GNAL: variants seen among roughly 807,000 people sequenced by gnomAD.
GNAL encodes the protein guanine nucleotide-binding protein G(olf) subunit alpha.
In GNAL, 18 loss-of-function variants were observed where a neutral mutation model predicts 55.1. That is an observed-to-expected ratio of 0.33 (90% CI 0.23 to 0.48). The LOEUF is 0.48. GNAL is among the 20% of genes least tolerant of loss of function. GNAL has a pLI of 0.99. For synonymous variants in GNAL, 253 were observed against 237.0 expected (o/e 1.07, Z -0.62); for missense variants, 412 against 614.1 (o/e 0.67, Z 3.48).
intron 5 of GNAL, among the ~76,000 whole-genome samples, chr18:11,840,418 A>T (rs1388257140): frequency 6.6e-6 from 1 of 152,224 alleles, no homozygotes; most frequent in East Asian, 1.9e-4. Flanking sequence ...AAAAAAGGAA[A>T]TTTTTTATTA....
chr18:11,714,216 T>A (rs1341544073), intron 1 of GNAL, among the ~76,000 whole-genome samples: 1 of 152,176 alleles, frequency 6.6e-6, no homozygotes, highest in Non-Finnish European at 1.5e-5. Flanking sequence ...TTGAGACAGA[T>A]CTCAGTCGGT....
chr18:11,873,174 CA>C (rs2036437891), intron 10 of GNAL, among the ~76,000 whole-genome samples: 1 of 152,150 alleles, frequency 6.6e-6, no homozygotes, highest in South Asian at 2.1e-4. Context: ...TCTTGAATTC[CA>C]AACTAGAAAA....
rs2031509687 is a variant in GNAL at position 11,699,563 on chromosome 18, G to T, written c.376+9624G>T. ...GTTGTTGGGTTTTTTTTTTGAGGGG[G>T]GGGGTTGGCTTTAAGCTGAAACCAA... On this transcript the variant is annotated intron_variant, in intron 1 of 11. Transcript: ENST00000334049. Among the ~76,000 whole-genome samples, 3 of 151,660 alleles carry T rather than the reference G, an allele frequency of 2.0e-5. No homozygotes were observed. In the South Asian group the frequency reaches 6.3e-4, roughly 32 times the overall value.
rs181443061 is a variant in GNAL, at chr18:11,689,824, G to A, written c.261G>A (p.Glu87=). 4,536 of 1,537,510 alleles carry A rather than the reference G, an allele frequency of 3.0e-3. 118 individuals carry two copies. The African/African-American group carries it at 0.056, about 19-fold the overall frequency. The change falls in exon 1 of 12, where the codon GAG becomes GAA. Residue 87 remains glutamate (E), a synonymous_variant. Transcript: ENST00000334049. ...AGCAGCTGAGTGCCGAGGAGCGCGA[G>A]GCGGCCAAGGAGCGCGAGGCGGTCA... ...RTEQLSAEER[E]AAKEREAVKE...
chr18:11,741,160 T>C (rs1051505216), intron 1 of GNAL, among the ~76,000 whole-genome samples: 3 of 152,212 alleles, frequency 2.0e-5, no homozygotes, highest in Non-Finnish European at 2.9e-5. Context: ...GTAGGCTTCT[T>C]TGATTTTTCC....
intron 4 of GNAL, among the ~76,000 whole-genome samples, chr18:11,783,537 C>A (rs536833530): frequency 1.3e-5 from 2 of 152,300 alleles, no homozygotes; most frequent in East Asian, 3.9e-4. Flanking sequence ...TGTGGTGAGA[C>A]TTCTTTTAAT....
At chr18:11,866,163 G>A in intron 7 of GNAL, among the ~76,000 whole-genome samples, 1 of 150,342 alleles carries the variant, frequency 6.7e-6, no homozygotes, top group Admixed American at 6.6e-5. Context: ...CAAGTCCCTG[G>A]CATAGTGGAA....
chr18:11,788,504 C>T (rs1157727545), intron 4 of GNAL, among the ~76,000 whole-genome samples: 1 of 152,154 alleles, frequency 6.6e-6, no homozygotes, highest in African/African-American at 2.4e-5. Flanking sequence ...ATCGTACTGT[C>T]CTATAGTCCT....
In GNAL at chr18:11,868,771, G is replaced by A; in HGVS notation, c.1031+108G>A. 4.6e-6 allele frequency: 4 copies of A among 861,054 alleles called. No individual in the cohort carries two copies. Among genetic ancestry groups the A allele is most frequent in the Non-Finnish European group, 7.1e-6 (4 of 563,524 alleles). 53.3% of individuals were successfully genotyped at this position (861,054 alleles called of 1,614,324 possible). A position where few individuals can be genotyped will look rare whatever the true frequency, so the allele number is the denominator to read the frequency against. On this transcript the variant is annotated intron_variant, in intron 9 of 11. Transcript: ENST00000334049. This position sits in a 1 kb window ranked among gnomAD's most constrained non-coding sequence, Gnocchi z 4.0. The stretch of plus-strand genomic sequence containing the variant: ...CTCACACCTGTAATCTCAACACTGG[G>A]AGGCCGAGGCAGGTGTGTCACTTGA...
intron 4 of GNAL, among the ~76,000 whole-genome samples, chr18:11,760,409 A>G (rs1271982891): frequency 6.6e-6 from 1 of 152,198 alleles, no homozygotes; most frequent in Non-Finnish European, 1.5e-5. Context: ...TATGGGAGAA[A>G]GGCAACATTT....
chr18:11,875,670 G>A (rs1368611462), intron 10 of GNAL, among the ~76,000 whole-genome samples: 1 of 152,148 alleles, frequency 6.6e-6, no homozygotes, highest in Non-Finnish European at 1.5e-5. Context: ...GGCCTCCCCA[G>A]AAGCCTAGCA....
chr18:11,733,973 TC>T (rs1295974658), intron 1 of GNAL, among the ~76,000 whole-genome samples: 1 of 151,278 alleles, frequency 6.6e-6, no homozygotes, highest in Non-Finnish European at 1.5e-5. Flanking sequence ...AACTGCGCCA[TC>T]ATTTCTCTCC....
chr18:11,725,616 T>G (rs1331741974), intron 1 of GNAL, among the ~76,000 whole-genome samples: 1 of 152,216 alleles, frequency 6.6e-6, no homozygotes, highest in African/African-American at 2.4e-5. Flanking sequence ...TCCATGTCTT[T>G]TCATGGTGTG....
Position 11,689,296 on chromosome 18 carries a change from G to C in GNAL, c.-268G>C, listed in dbSNP as rs899265122. On this transcript the variant is annotated 5_prime_UTR_variant, in exon 1 of 12. Transcript: ENST00000334049. ...CGGTCCGCTCTGGGCGTTAGCAAGT[G>C]ATCTCCAGCCAAGGCGGCCGCCACC... 6.7e-6 allele frequency: 2 copies of C among 298,706 alleles called. No individual in the cohort carries two copies. Among genetic ancestry groups the C allele is most frequent in the East Asian group, 1.1e-4 (2 of 18,264 alleles). The allele number at this position is 298,706 out of a possible 1,614,324, so 18.5% of individuals were successfully genotyped here. A position where few individuals can be genotyped will look rare whatever the true frequency, so the allele number is the denominator to read the frequency against.
At position 11,851,456 on chromosome 18, in the gene GNAL, C is replaced by G. The variant is rs183479342; in HGVS notation, c.723-10939C>G. On this transcript the variant is annotated intron_variant, in intron 5 of 11. Transcript: ENST00000334049. ...GCCGGGAGCGGACTTACCTTACCTT[C>G]TCTGCCTTCGGCGCGCTTCTCAGCC... is the stretch of plus-strand genomic sequence containing the variant. 8 of 1,474,650 alleles carry G rather than the reference C, an allele frequency of 5.4e-6. No individual in the cohort carries two copies. The Admixed American group carries it at 8.1e-5, about 15-fold the overall frequency. The allele number at this position is 1,474,650 out of a possible 1,614,324, so 91.3% of individuals were successfully genotyped here.
chr18:11,743,314 C>CCA (rs2032618888), intron 1 of GNAL, among the ~76,000 whole-genome samples: 1 of 116,390 alleles, frequency 8.6e-6, no homozygotes, highest in Non-Finnish European at 1.8e-5. Flanking sequence ...CTCACTAATA[C>CCA]AAAAAAAAAA....
At chr18:11,712,808 A>AT (rs929972397) in intron 1 of GNAL, among the ~76,000 whole-genome samples, 3 of 152,194 alleles carry the variant, frequency 2.0e-5, no homozygotes, top group East Asian at 3.9e-4. Flanking sequence ...AGGTGAACAG[A>AT]TTTTTTCCTT....
At chr18:11,806,204 T>G (rs2034656523) in intron 4 of GNAL, among the ~76,000 whole-genome samples, 1 of 152,020 alleles carries the variant, frequency 6.6e-6, no homozygotes, top group African/African-American at 2.4e-5. Context: ...TATTTGGGGG[T>G]TTTTGTAGAG....
In GNAL at chr18:11,868,422, G is replaced by A; in HGVS notation, c.911-121G>A. On this transcript the variant is annotated intron_variant, in intron 8 of 11. Transcript: ENST00000334049. The surrounding 1 kb of genome is among the most constrained non-coding windows in gnomAD (Gnocchi z 4.0). The stretch of plus-strand genomic sequence containing the variant: ...CGCACCTGCAGGCTGTTCTGTGACT[G>A]AATAGTCCTATCACTGAATGAATGT... 1 of 830,024 alleles carries A rather than the reference G, an allele frequency of 1.2e-6. No individual in the cohort carries two copies. The highest frequency in any genetic ancestry group is 1.7e-5 in the South Asian group (1 of 57,304). 51.4% of individuals were successfully genotyped at this position (830,024 alleles called of 1,614,324 possible). A position where few individuals can be genotyped will look rare whatever the true frequency, so the allele number is the denominator to read the frequency against.
Sources: gnomAD v4.1 joint callset for allele counts (sites outside exome capture counted in the v4.1 genomes callset) on GRCh38, gnomAD v4.1.1 for gene constraint, Gnocchi (gnomAD v3.1) non-coding constraint, MANE v1.5 for transcripts, NCBI Gene and HGNC (gene_info 2026-07-23, HGNC 2026-07-21) for gene names.